Variants in DNAH11 observed in about 807,000 individuals in gnomAD.
DNAH11 encodes dynein axonemal heavy chain 11, also known as axonemal beta dynein heavy chain 11.
In DNAH11, 442 loss-of-function variants were observed where a neutral mutation model predicts 526.0. The ratio of observed to expected loss-of-function variants is 0.84; its 90% CI spans 0.78 to 0.91. The LOEUF (loss-of-function observed/expected upper bound fraction) is 0.91, where lower values mean the gene tolerates loss of function less well. DNAH11 is among the 40% of genes least tolerant of loss of function. DNAH11 has a pLI of 0.00. For synonymous variants in DNAH11, 2,461 were observed against 1,935.9 expected, an observed-to-expected ratio of 1.27 and a Z score of -7.12; for missense variants, 6,989 against 5,448.7, an observed-to-expected ratio of 1.28 and a Z score of -8.90.
At chr7:21,691,516 G>GCC (rs1436361635) in intron 35 of DNAH11, among the ~76,000 whole-genome samples, 1 of 152,018 alleles carries the variant, frequency 6.6e-6, no homozygotes, top group African/African-American at 2.4e-5. Context: ...CTCCCTGAGG[G>GCC]CCCTGGTCCA....
At chr7:21,617,525 C>G in intron 22 of DNAH11, 94 bp from the exon 23 acceptor site, 1 of 1,402,220 alleles carries the variant, frequency 7.1e-7, no homozygotes, top group Non-Finnish European at 9.8e-7. Flanking sequence ...TTTTCTAATC[C>G]AGGAGTTGGG....
chr7:21,901,302 T>G lies in DNAH11; in HGVS notation c.*48T>G, dbSNP rs762207462. ...CCTCTGCTGGAGTGCAGTGAGGATT[T>G]TCTAGCATGTTGCTGCACTGTTCCC... On this transcript the variant is annotated 3_prime_UTR_variant, in exon 82 of 82. Coordinates refer to ENST00000409508, the MANE Select transcript of DNAH11 (RefSeq NM_001277115.2). 2 of 1,550,192 alleles carry G rather than the reference T, an allele frequency of 1.3e-6. No homozygotes were observed. The highest frequency in any genetic ancestry group is 1.7e-6 in the Non-Finnish European group (2 of 1,149,404).
At position 21,815,187 on chromosome 7, in the gene DNAH11, C is replaced by T. The variant is rs376021945; in HGVS notation, c.10333-1280C>T. Among the ~76,000 whole-genome samples, 344 of 152,026 alleles carry T rather than the reference C, an allele frequency of 2.3e-3. 1 individual carries two copies. Among genetic ancestry groups the T allele is most frequent in the African/African-American group, 8.0e-3 (332 of 41,512 alleles). On this transcript the variant is annotated intron_variant, in intron 63 of 81. Coordinates refer to ENST00000409508, the MANE Select transcript of DNAH11 (RefSeq NM_001277115.2). Reference sequence around the variant, plus strand: ...TCTGCAGGTGCCCCTTCTGTTAGTCCTTTTAGCTTCAGAAATCAAAGTTAC... The same window carrying T: ...TCTGCAGGTGCCCCTTCTGTTAGTCTTTTTAGCTTCAGAAATCAAAGTTAC...
In DNAH11 at chr7:21,725,853, G is replaced by C. The variant is rs772992635; in HGVS notation, c.7309G>C (p.Glu2437Gln). ...QADFSRWWQK[E>Q]MKAVKFPSQG... ...TGACTTCAGTCGGTGGTGGCAGAAA[G>C]AGATGAAAGCAGTGAAATTTCCGTC... Residue 2437 changes from glutamate to glutamine, a missense_variant, in exon 45 of 82, where the codon GAG (glutamate) becomes CAG (glutamine). Physicochemically the swap from Glu to Gln is conservative, Grantham distance 29. Transcript: ENST00000409508. The C allele has an allele frequency of 4.3e-6, 7 of 1,611,796 alleles. No homozygotes were observed. The highest frequency in any genetic ancestry group is 5.9e-6 in the Non-Finnish European group (7 of 1,179,048).
chr7:21,771,619 G>T (rs1342097366), intron 55 of DNAH11, among the ~76,000 whole-genome samples: 1 of 152,100 alleles, frequency 6.6e-6, no homozygotes. Flanking sequence ...GGGAAACCTT[G>T]AGTTTATAAC....
intron 51 of DNAH11, among the ~76,000 whole-genome samples, chr7:21,745,375 A>G (rs555170794): frequency 2.7e-4 from 41 of 152,336 alleles, no homozygotes; most frequent in Non-Finnish European, 5.3e-4. Flanking sequence ...TCATTGATTA[A>G]GCAGGTTTTG....
chr7:21,589,368 A>T lies in DNAH11; in HGVS notation c.2134A>T (p.Ile712Leu). The T allele has an allele frequency of 6.2e-7, 1 of 1,609,068 alleles. No individual in the cohort carries two copies. The highest frequency in any genetic ancestry group is 1.1e-5 in the South Asian group (1 of 90,080). ...LNQPLVKFSA[I>L]NGLLCVNFDP... ...TCAACCCTTGGTTAAATTCAGTGCC[A>T]TAAATGGTCTTCTCTGTGTCAATTT... The change falls in exon 12 of 82, where the codon ATA (isoleucine) becomes TTA (leucine). Residue 712 changes from isoleucine to leucine, a missense_variant. Coordinates refer to ENST00000409508, the MANE Select transcript of DNAH11 (RefSeq NM_001277115.2).
At chr7:21,855,254 A>C (rs1019668719) in intron 68 of DNAH11, among the ~76,000 whole-genome samples, 1 of 151,906 alleles carries the variant, frequency 6.6e-6, no homozygotes, top group Non-Finnish European at 1.5e-5. Context: ...AATGATCTCT[A>C]TCTCCTGACC....
At chr7:21,581,809 G>A (rs1784317241) in intron 8 of DNAH11, 96 bp from the exon 9 acceptor site, 3 of 738,076 alleles carry the variant, frequency 4.1e-6, no homozygotes, top group East Asian at 2.5e-5. Flanking sequence ...CAGAGAGCGA[G>A]CGAGAGAGAG....
intron 25 of DNAH11, among the ~76,000 whole-genome samples, chr7:21,620,360 C>A (rs1291801197): frequency 1.3e-5 from 2 of 151,992 alleles, no homozygotes; most frequent in African/African-American, 4.8e-5. Context: ...AAAATTTGTA[C>A]CCTTTGATCA....
At chr7:21,729,402 C>T (rs920493917) in intron 45 of DNAH11, among the ~76,000 whole-genome samples, 1 of 152,204 alleles carries the variant, frequency 6.6e-6, no homozygotes, top group East Asian at 1.9e-4. Flanking sequence ...CTTTGGTGTT[C>T]TCTCCAGAAT....
chr7:21,722,680 C>G (rs1181302611), intron 44 of DNAH11, among the ~76,000 whole-genome samples: 2 of 152,048 alleles, frequency 1.3e-5, no homozygotes, highest in African/African-American at 4.8e-5. Flanking sequence ...AGATTAGCAG[C>G]CAATACTGTG....
At chr7:21,684,560 G>T (rs1783289571) in intron 32 of DNAH11, among the ~76,000 whole-genome samples, 1 of 152,204 alleles carries the variant, frequency 6.6e-6, no homozygotes, top group Non-Finnish European at 1.5e-5. Context: ...CTACTATTGT[G>T]GAGAGCTTGA....
At chr7:21,706,596 A>C (rs1784271401) in intron 39 of DNAH11, among the ~76,000 whole-genome samples, 1 of 152,194 alleles carries the variant, frequency 6.6e-6, no homozygotes, top group Non-Finnish European at 1.5e-5. Flanking sequence ...ATAAAGTTAA[A>C]TTCTATACTT....
At chr7:21,720,976 T>C in intron 44 of DNAH11, 120 bp downstream of exon 44, 1 of 1,269,162 alleles carries the variant, frequency 7.9e-7, no homozygotes, top group Non-Finnish European at 1.0e-6. Context: ...CTGCTTGCCC[T>C]GTTCTCTCCT....
At chr7:21,802,750 CAGGCAGAATGTGCCTGTGTATGA>C (rs969899256) in intron 62 of DNAH11, among the ~76,000 whole-genome samples, 1 of 151,850 alleles carries the variant, frequency 6.6e-6, no homozygotes, top group African/African-American at 2.4e-5. Flanking sequence ...ATGTGATACA[CAGGCAGAATGTGCCTGTGTATGA>C]AATGTCCAGA....
At chr7:21,848,484 T>G (rs1346456437) in intron 66 of DNAH11, among the ~76,000 whole-genome samples, 3 of 152,146 alleles carry the variant, frequency 2.0e-5, no homozygotes, top group Non-Finnish European at 4.4e-5. Context: ...CGTATTTTTA[T>G]TGGGTTTTAT....
chr7:21,779,888 A>G (rs1787861463), intron 57 of DNAH11, among the ~76,000 whole-genome samples: 1 of 152,208 alleles, frequency 6.6e-6, no homozygotes, highest in East Asian at 1.9e-4. Context: ...CTAATTAATA[A>G]AAAGTTATAA....
chr7:21,576,439 AG>A (rs1784096441), intron 8 of DNAH11, among the ~76,000 whole-genome samples: 1 of 152,218 alleles, frequency 6.6e-6, no homozygotes, highest in Non-Finnish European at 1.5e-5. Context: ...AGATCCCAGA[AG>A]ATCTTAATAC....
Sources: allele counts gnomAD v4.1 joint callset (sites outside exome capture counted in the v4.1 genomes callset), GRCh38; gene constraint gnomAD v4.1.1; transcripts MANE v1.5; gene names NCBI Gene and HGNC (gene_info 2026-07-23, HGNC 2026-07-21).